Variants in PHYKPL observed in about 807,000 individuals in gnomAD.
PHYKPL encodes 5-phosphonooxy-L-lysine phospho-lyase.
Under a neutral mutation model 51.3 loss-of-function variants are expected in PHYKPL, and 42 were observed. The ratio of observed to expected loss-of-function variants is 0.82; its 90% CI spans 0.64 to 1.06. The LOEUF (loss-of-function observed/expected upper bound fraction) is 1.06. PHYKPL is among the 50% of genes least tolerant of loss of function. The pLI is 0.00. For synonymous variants in PHYKPL, 264 were observed against 236.0 expected (o/e 1.12, Z -1.09); for missense variants, 655 against 586.6 (o/e 1.12, Z -1.20).
At position 178,229,928 on chromosome 5, in the gene PHYKPL, C is replaced by T; in HGVS notation, c.338+12G>A. On this transcript the variant is annotated intron_variant, in intron 3 of 12. Coordinates refer to ENST00000308158, the MANE Select transcript of PHYKPL (RefSeq NM_153373.4). ...TCACCCTCTTCCCGGGGGCTGGCCACAGTCCACTTACCCAGAATTCAGGAA... is the reference window on the plus strand; with the variant it reads ...TCACCCTCTTCCCGGGGGCTGGCCATAGTCCACTTACCCAGAATTCAGGAA... 6.2e-7 allele frequency: 1 copy of T among 1,611,388 alleles called. No individual in the cohort carries two copies. Among genetic ancestry groups the T allele is most frequent in the Non-Finnish European group, 8.5e-7 (1 of 1,177,738 alleles).
At chr5:178,210,663 T>A in intron 12 of PHYKPL, 1 of 1,485,316 alleles carries the variant, frequency 6.7e-7, no homozygotes, top group Non-Finnish European at 9.4e-7. Context: ...ACACATGCTT[T>A]GTTTGGATAT....
intron 6 of PHYKPL, chr5:178,223,868 G>C (rs958170923): frequency 1.9e-5 from 4 of 206,160 alleles, no homozygotes; most frequent in Non-Finnish European, 4.0e-5. Context: ...CCTCCCCACA[G>C]CTCACTTGGG....
intron 6 of PHYKPL, 51 bp downstream of exon 6, chr5:178,224,397 C>A: frequency 4.7e-6 from 7 of 1,489,450 alleles, no homozygotes; most frequent in Non-Finnish European, 6.4e-6. Flanking sequence ...GCGGTGACAA[C>A]GGAGGTGACA....
chr5:178,231,885 G>A (rs1763526780), intron 1 of PHYKPL: 2 of 1,315,110 alleles, frequency 1.5e-6, no homozygotes, highest in African/African-American at 1.5e-5. Flanking sequence ...GGATGGGCCA[G>A]GGCACCAACA....
At position 178,232,480 on chromosome 5, in the gene PHYKPL, C is replaced by T. The variant is rs773846659; in HGVS notation, c.59+12G>A. Reference sequence around the variant, plus strand: ...CCCCGCGCCCCCCGCCGCCCGCCCCCCGCCCGGGTACCTGATGAGCCGTTG... The same window carrying T: ...CCCCGCGCCCCCCGCCGCCCGCCCCTCGCCCGGGTACCTGATGAGCCGTTG... On this transcript the variant is annotated intron_variant, in intron 1 of 12. Coordinates refer to ENST00000308158, the MANE Select transcript of PHYKPL (RefSeq NM_153373.4). The T allele has an allele frequency of 2.2e-6, 3 of 1,366,112 alleles. No homozygotes were observed. The highest frequency in any genetic ancestry group is 2.8e-6 in the Non-Finnish European group (3 of 1,067,426). 84.6% of individuals were successfully genotyped at this position (1,366,112 alleles called of 1,614,324 possible). A position where few individuals can be genotyped will look rare whatever the true frequency, so the allele number is the denominator to read the frequency against.
intron 8 of PHYKPL, among the ~76,000 whole-genome samples, chr5:178,219,510 C>T (rs968407931): frequency 1.0e-4 from 15 of 150,684 alleles, no homozygotes; most frequent in South Asian, 2.1e-4. Context: ...AGTGCAGTGG[C>T]GCAATCTCGG....
At chr5:178,222,067 GC>G (rs1195113251) in intron 8 of PHYKPL, among the ~76,000 whole-genome samples, 6 of 152,210 alleles carry the variant, frequency 3.9e-5, no homozygotes, top group Admixed American at 3.9e-4. Context: ...CTGACACAGG[GC>G]GTGGCACAGA....
At chr5:178,217,578 G>A (rs980602933) in intron 8 of PHYKPL, among the ~76,000 whole-genome samples, 3 of 150,968 alleles carry the variant, frequency 2.0e-5, no homozygotes, top group African/African-American at 7.3e-5. Flanking sequence ...AAAAAAGTCA[G>A]CCGGCCGCGG....
At chr5:178,212,535 G>A (rs1029869493) in intron 11 of PHYKPL, among the ~76,000 whole-genome samples, 9 of 152,232 alleles carry the variant, frequency 5.9e-5, no homozygotes, top group African/African-American at 7.2e-5. Flanking sequence ...TTCATTTTGA[G>A]TTCCGTCAGT....
At position 178,222,583 on chromosome 5, in the gene PHYKPL, G is replaced by A. The variant is rs1561717153; in HGVS notation, c.702-3C>T. ...CCCCTCCGGCCTTGCGGATGTGCCT[G>A]TGGCAGAGGAGATGACTGACACGGG... On this transcript the variant is annotated splice_polypyrimidine_tract_variant and splice_region_variant and intron_variant, in intron 7 of 12. Coordinates refer to ENST00000308158, the MANE Select transcript of PHYKPL (RefSeq NM_153373.4). 1.9e-6 allele frequency: 3 copies of A among 1,613,496 alleles called. No homozygotes were observed. The highest frequency in any genetic ancestry group is 4.5e-5 in the East Asian group (2 of 44,860).
chr5:178,207,597 C>G (rs1229020027), downstream of PHYKPL, among the ~76,000 whole-genome samples: 2 of 151,896 alleles, frequency 1.3e-5, no homozygotes, highest in African/African-American at 4.8e-5. Context: ...CTGCAACTCA[C>G]TGATTCTCCT....
At chr5:178,222,324 G>GT (rs1336278735) in intron 8 of PHYKPL, 31 bp downstream of exon 8, 1 of 1,581,844 alleles carries the variant, frequency 6.3e-7, no homozygotes, top group South Asian at 1.2e-5. Context: ...CAGAACCCAT[G>GT]TTGCTCCCTT....
In PHYKPL at chr5:178,215,412, A is replaced by G; in HGVS notation, c.946T>C (p.Ser316Pro). The G allele has an allele frequency of 6.2e-7, 1 of 1,612,370 alleles. No individual in the cohort carries two copies. Among genetic ancestry groups the G allele is most frequent in the Non-Finnish European group, 8.5e-7 (1 of 1,179,232 alleles). ...YFNTFGGSPV[S>P]CAVGLAVLNV... Reference sequence around the variant, plus strand: ...AGGACGGCCAGCCCCACAGCGCAGGACACTGGGCTGCCCCCAAACTGAGCC... The same window carrying G: ...AGGACGGCCAGCCCCACAGCGCAGGGCACTGGGCTGCCCCCAAACTGAGCC... Residue 316 changes from serine (S) to proline (P), a missense_variant, in exon 9 of 13, where the codon TCC becomes CCC. Transcript: ENST00000308158.
At position 178,212,975 on chromosome 5, in the gene PHYKPL, G is replaced by T. The variant is rs372865160; in HGVS notation, c.1301C>A (p.Thr434Asn). 29 of 1,613,980 alleles carry T rather than the reference G, an allele frequency of 1.8e-5. No individual in the cohort carries two copies. Among genetic ancestry groups the T allele is most frequent in the Non-Finnish European group, 2.4e-5 (28 of 1,179,988 alleles). The change falls in exon 11 of 13, where the codon ACT (threonine) becomes AAT (asparagine). Residue 434 changes from threonine to asparagine, a missense_variant and splice_region_variant. By Grantham distance (65) the Thr-to-Asn change is moderately conservative. Coordinates refer to ENST00000308158, the MANE Select transcript of PHYKPL (RefSeq NM_153373.4). ...CCAAGCTCAGGCTTCAAGCTCACCA[G>T]TCAGAATGGCATCCAGCTTTGCCAC... ...QVVAKLDAIL[T>N]DMEEKVRSCE...
At chr5:178,228,587 C>G (rs1050149443) in intron 3 of PHYKPL, 1 of 702,572 alleles carries the variant, frequency 1.4e-6, no homozygotes, top group Admixed American at 2.0e-5. Context: ...GCTGTTACCC[C>G]ACCTGTAAAA....
intron 12 of PHYKPL, among the ~76,000 whole-genome samples, chr5:178,209,695 G>C (rs993924574): frequency 6.6e-6 from 1 of 152,176 alleles, no homozygotes; most frequent in African/African-American, 2.4e-5. Context: ...TGGGGGAGGG[G>C]ATGTGATGGG....
intron 3 of PHYKPL, 121 bp from the exon 4 acceptor site, chr5:178,225,550 CACTT>C (rs1762119867): frequency 1.1e-6 from 1 of 901,308 alleles, no homozygotes; most frequent in Non-Finnish European, 1.8e-6. Flanking sequence ...ACTAGTCAGT[CACTT>C]GCTTGTTTGT....
chr5:178,224,654 C>T lies in PHYKPL; in HGVS notation c.489G>A (p.Glu163=), dbSNP rs752478510. ...GGGCAGTGCATACCACGTGGACCCACTCCTTCTGGCCATCCAGGTTGCGGA... is the reference window on the plus strand; with the variant it reads ...GGGCAGTGCATACCACGTGGACCCATTCCTTCTGGCCATCCAGGTTGCGGA... The part of the protein sequence containing the change: ...YKFRNLDGQK[E]WVHVAPLPDT... Residue 163 remains glutamate, a synonymous_variant, in exon 5 of 13, where the codon GAG becomes GAA. Coordinates refer to ENST00000308158, the MANE Select transcript of PHYKPL (RefSeq NM_153373.4). 5 of 1,614,132 alleles carry T rather than the reference C, an allele frequency of 3.1e-6. No homozygotes were observed. Among genetic ancestry groups the T allele is most frequent in the Non-Finnish European group, 4.2e-6 (5 of 1,180,052 alleles).
At chr5:178,218,165 C>A (rs1373026129) in intron 8 of PHYKPL, among the ~76,000 whole-genome samples, 1 of 110,906 alleles carries the variant, frequency 9.0e-6, no homozygotes, top group African/African-American at 3.9e-5. Flanking sequence ...TGCAGTGAGT[C>A]GAGATCGCGC....
Sources: allele counts gnomAD v4.1 joint callset (sites outside exome capture counted in the v4.1 genomes callset), GRCh38; gene constraint gnomAD v4.1.1; transcripts MANE v1.5; gene names NCBI Gene and HGNC (gene_info 2026-07-23, HGNC 2026-07-21).